The following MAPKBP1 variants were observed in gnomAD, a reference collection of about 807,000 sequenced individuals.
MAPKBP1 encodes mitogen-activated protein kinase binding protein 1.
Under a neutral mutation model 170.5 loss-of-function variants are expected in MAPKBP1, and 71 were observed. The ratio of observed to expected loss-of-function variants is 0.42; its 90% CI spans 0.34 to 0.51. The LOEUF (loss-of-function observed/expected upper bound fraction) is 0.51, where lower values mean the gene tolerates loss of function less well. MAPKBP1 is among the 20% of genes least tolerant of loss of function. The probability of loss-of-function intolerance (pLI) is 0.06; values close to 1 mark genes in which losing one functional copy is unlikely to be tolerated. For synonymous variants in MAPKBP1, 719 were observed against 757.9 expected (o/e 0.95, Z 0.84); for missense variants, 1,598 against 1,933.0 (o/e 0.83, Z 3.25).
Position 41,818,723 on chromosome 15 carries a change from G to A in MAPKBP1, c.2157-100G>A, listed in dbSNP as rs2064934259. 1.3e-6 allele frequency: 2 copies of A among 1,549,750 alleles called. No homozygotes were observed. Among genetic ancestry groups the A allele is most frequent in the Admixed American group, 3.5e-5 (2 of 56,354 alleles). On this transcript the variant is annotated intron_variant, in intron 19 of 30. Coordinates refer to ENST00000457542, the MANE Select transcript of MAPKBP1 (RefSeq NM_014994.3). The surrounding 1 kb of genome is among the most constrained non-coding windows in gnomAD (Gnocchi z 5.2). ...TTGGCTGTGCTTGACCTGAAGTGGA[G>A]GGTGGCTCTGGTCTCCTTGCCATCC... is the stretch of plus-strand genomic sequence containing the variant.
Position 41,818,835 on chromosome 15 carries a change from G to A in MAPKBP1, c.2169G>A (p.Val723=), listed in dbSNP as rs760528669. Residue 723 remains valine, a synonymous_variant, in exon 20 of 31, where the codon GTG becomes GTA. Coordinates refer to ENST00000457542, the MANE Select transcript of MAPKBP1 (RefSeq NM_014994.3). The surrounding 1 kb of genome is among the most constrained non-coding windows in gnomAD (Gnocchi z 5.2). The part of the protein sequence containing the change: ...ISVSGDSCIF[V]WRLSSEMTIS... ...GGCTTTACCCCAGCTGCATATTTGT[G>A]TGGCGCCTGAGCTCTGAGATGACCA... is the stretch of plus-strand genomic sequence containing the variant. 2 of 1,614,090 alleles carry A rather than the reference G, an allele frequency of 1.2e-6. No individual in the cohort carries two copies. The highest frequency in any genetic ancestry group is 3.3e-5 in the Admixed American group (2 of 60,024).
Position 41,818,860 on chromosome 15 carries a change from A to G in MAPKBP1, c.2194A>G (p.Ile732Val), listed in dbSNP as rs1179411678. The G allele has an allele frequency of 2.5e-6, 4 of 1,614,082 alleles. No homozygotes were observed. Among genetic ancestry groups the G allele is most frequent in the Admixed American group, 1.7e-5 (1 of 60,026 alleles). ...GTGGCGCCTGAGCTCTGAGATGACC[A>G]TCAGCATGAGGCAGCGTCTGGCCGA... ...FVWRLSSEMT[I>V]SMRQRLAELR... The change falls in exon 20 of 31, where the codon ATC (isoleucine) becomes GTC (valine). Residue 732 changes from isoleucine (I) to valine (V), a missense_variant. By Grantham distance (29) the Ile-to-Val change is conservative (BLOSUM62 3). This residue lies in a region of MAPKBP1 where 63 missense variants were observed against 115.2 expected (regional missense o/e 0.55). Transcript: ENST00000457542. The surrounding 1 kb of genome is among the most constrained non-coding windows in gnomAD (Gnocchi z 5.2).
At chr15:41,815,583 T>G (rs2064876699) in intron 11 of MAPKBP1, 41 bp from the exon 12 acceptor site, 1 of 1,593,560 alleles carries the variant, frequency 6.3e-7, no homozygotes, top group Non-Finnish European at 8.6e-7. Context: ...GCTGTACTGG[T>G]CAGGCCTGCC....
At chr15:41,803,472 A>G (rs769160867) in intron 3 of MAPKBP1, among the ~76,000 whole-genome samples, 11 of 146,494 alleles carry the variant, frequency 7.5e-5, no homozygotes, top group Non-Finnish European at 1.3e-4. Context: ...TTGGGAAGCC[A>G]AGGTGGGAGG....
chr15:41,801,740 C>G (rs951591382), intron 3 of MAPKBP1, among the ~76,000 whole-genome samples: 1 of 151,978 alleles, frequency 6.6e-6, no homozygotes, highest in Non-Finnish European at 1.5e-5. Context: ...GTCCCAGCTG[C>G]TTGGGAGGCT....
At chr15:41,807,773 C>T (rs922743250) in intron 3 of MAPKBP1, among the ~76,000 whole-genome samples, 5 of 152,174 alleles carry the variant, frequency 3.3e-5, no homozygotes, top group South Asian at 2.1e-4. Flanking sequence ...CACAGTGGCT[C>T]ACGCCTGTAA....
chr15:41,811,880 C>A, intron 5 of MAPKBP1, 77 bp from the exon 6 acceptor site: 1 of 1,514,862 alleles, frequency 6.6e-7, no homozygotes, highest in Non-Finnish European at 9.1e-7. Context: ...GGCGAGGGCC[C>A]CGCTCTGGAA....
chr15:41,822,461 C>G, intron 26 of MAPKBP1, 39 bp downstream of exon 26: 2 of 1,606,676 alleles, frequency 1.2e-6, no homozygotes, highest in Non-Finnish European at 1.7e-6. Flanking sequence ...CTGCAATTTG[C>G]CCTTCTCCCC....
Position 41,823,206 on chromosome 15 carries a change from C to T in MAPKBP1, c.3582C>T (p.His1194=), listed in dbSNP as rs1330768020. ...GACTCCAGAAGGCCCAGTCTGTGCA[C>T]AGTCTGGTGCCACAGGGTGAGAAGC... ...FSGLQKAQSV[H]SLVPQERHEA... Residue 1194 remains histidine (H), a synonymous_variant, in exon 28 of 31, where the codon CAC becomes CAT. Transcript: ENST00000457542. 1 of 1,613,234 alleles carries T rather than the reference C, an allele frequency of 6.2e-7. No individual in the cohort carries two copies. The highest frequency in any genetic ancestry group is 1.1e-5 in the South Asian group (1 of 91,058).
At chr15:41,813,454 C>T (rs2064838454) in intron 8 of MAPKBP1, 167 bp from the exon 9 acceptor site, 2 of 1,438,660 alleles carry the variant, frequency 1.4e-6, no homozygotes, top group East Asian at 2.3e-5. Flanking sequence ...GGTTCCTAAT[C>T]CCTGGCTGGA....
At position 41,812,082 on chromosome 15, in the gene MAPKBP1, T is replaced by C. The variant is rs760115561; in HGVS notation, c.453T>C (p.Ser151=). The part of the protein sequence containing the change: ...AFSPSAKYIV[S]VGYQHDMIVN... ...CTCCTAGCGCCAAGTACATTGTCTCTGTGGGCTACCAGCATGACATGATCG... is the reference window on the plus strand; with the variant it reads ...CTCCTAGCGCCAAGTACATTGTCTCCGTGGGCTACCAGCATGACATGATCG... The change falls in exon 6 of 31, where the codon TCT becomes TCC. Residue 151 remains serine (S), a synonymous_variant. Coordinates refer to ENST00000457542, the MANE Select transcript of MAPKBP1 (RefSeq NM_014994.3). 7 of 1,614,088 alleles carry C rather than the reference T, an allele frequency of 4.3e-6. No homozygotes were observed. In the South Asian group the frequency reaches 4.4e-5, roughly 10 times the overall value.
intron 3 of MAPKBP1, among the ~76,000 whole-genome samples, chr15:41,802,974 C>T (rs2064623954): frequency 6.6e-6 from 1 of 152,050 alleles, no homozygotes; most frequent in South Asian, 2.1e-4. Context: ...TCATACATGC[C>T]CTTCGCTGTT....
intron 21 of MAPKBP1, 91 bp downstream of exon 21, chr15:41,819,470 T>A: frequency 6.3e-7 from 1 of 1,587,856 alleles, no homozygotes. Context: ...GAGAGCAGTG[T>A]GAGCTGAGGA....
chr15:41,812,316 T>G (rs2064820019), intron 6 of MAPKBP1, among the ~76,000 whole-genome samples, 189 bp downstream of exon 6: 2 of 152,252 alleles, frequency 1.3e-5, no homozygotes, highest in Non-Finnish European at 2.9e-5. Flanking sequence ...GCTTTATGCC[T>G]TCAAAGACTT....
rs770144742 is a variant in MAPKBP1 at position 41,818,347 on chromosome 15, G to T, written c.2092+42G>T. On this transcript the variant is annotated intron_variant, in intron 18 of 30. Coordinates refer to ENST00000457542, the MANE Select transcript of MAPKBP1 (RefSeq NM_014994.3). This position sits in a 1 kb window ranked among gnomAD's most constrained non-coding sequence, Gnocchi z 5.2. ...TCCCCGAGTAGAAGCTGATACCTGC[G>T]TAAACCTGAGTGAGTTCCACCCCTG... 2.6e-6 allele frequency: 4 copies of T among 1,534,076 alleles called. No individual in the cohort carries two copies. In the South Asian group the frequency reaches 3.4e-5, roughly 13 times the overall value.
chr15:41,818,090 G>A lies in MAPKBP1; in HGVS notation c.1980+6G>A, dbSNP rs2064924199. 6.2e-7 allele frequency: 1 copy of A among 1,613,934 alleles called. No individual in the cohort carries two copies. The highest frequency in any genetic ancestry group is 1.3e-5 in the African/African-American group (1 of 74,896). On this transcript the variant is annotated splice_donor_region_variant and intron_variant, in intron 17 of 30. Coordinates refer to ENST00000457542, the MANE Select transcript of MAPKBP1 (RefSeq NM_014994.3). This position sits in a 1 kb window ranked among gnomAD's most constrained non-coding sequence, Gnocchi z 5.2. ...AGGACGGCACACTCATTAAGGTAAG[G>A]ACCCAGAGGGGGTACTGGACAGGGG...
At chr15:41,784,780 C>G (rs558703237) in intron 2 of MAPKBP1, among the ~76,000 whole-genome samples, 78 of 94,832 alleles carry the variant, frequency 8.2e-4, no homozygotes, top group African/African-American at 3.5e-3. Flanking sequence ...GACTCCGTCT[C>G]AAAAAAAAAA....
chr15:41,800,012 A>G (rs1305472655), intron 3 of MAPKBP1, 98 bp downstream of exon 3: 1 of 982,322 alleles, frequency 1.0e-6, no homozygotes, highest in African/African-American at 1.6e-5. Context: ...CTTCTGGAAG[A>G]TAGATACAGG....
At position 41,806,004 on chromosome 15, in the gene MAPKBP1, G is replaced by A. The variant is rs192938525; in HGVS notation, c.207-4879G>A. 2.1e-3 allele frequency among the ~76,000 whole-genome samples: 314 copies of A among 152,280 alleles called. 1 individual carries two copies. The highest frequency in any genetic ancestry group is 7.1e-3 in the African/African-American group (294 of 41,542). ...TCATTCACACTCTGCTACCCAGGAG[G>A]TTCCTTGGCAGCCAGGGCTTTGAGA... is the stretch of plus-strand genomic sequence containing the variant. On this transcript the variant is annotated intron_variant, in intron 3 of 30. Coordinates refer to ENST00000457542, the MANE Select transcript of MAPKBP1 (RefSeq NM_014994.3).
Sources: gnomAD v4.1 joint callset for allele counts (sites outside exome capture counted in the v4.1 genomes callset) on GRCh38, gnomAD v4.1.1 for gene constraint, gnomAD v4.1.1 regional missense constraint, Gnocchi (gnomAD v3.1) non-coding constraint, MANE v1.5 for transcripts, NCBI Gene and HGNC (gene_info 2026-07-23, HGNC 2026-07-21) for gene names.